The following ASPSCR1 variants were observed in gnomAD, a reference collection of about 807,000 sequenced individuals.
ASPSCR1 encodes the protein ASPSCR1 tether for SLC2A4, UBX domain containing.
In ASPSCR1, 55 loss-of-function variants were observed where a neutral mutation model predicts 68.9. The observed-to-expected ratio is 0.80, with a 90% CI of 0.64 to 1.00. The LOEUF (loss-of-function observed/expected upper bound fraction) is 1.00. ASPSCR1 is among the 50% of genes least tolerant of loss of function. ASPSCR1 has a pLI of 0.00. For missense variants in ASPSCR1, 765 were observed against 762.2 expected (o/e 1.00, Z -0.04); for synonymous variants, 352 against 332.6 (o/e 1.06, Z -0.63).
At chr17:81,998,522 C>T (rs1054535740) in intron 7 of ASPSCR1, among the ~76,000 whole-genome samples, 3 of 152,120 alleles carry the variant, frequency 2.0e-5, no homozygotes, top group African/African-American at 7.2e-5. Flanking sequence ...ATTTCTCTGC[C>T]AAGGATGATG....
At chr17:81,988,228 A>T (rs1405182457) in intron 4 of ASPSCR1, among the ~76,000 whole-genome samples, 5 of 149,818 alleles carry the variant, frequency 3.3e-5, no homozygotes, top group Admixed American at 1.3e-4. Context: ...TGGGAGGCCG[A>T]GGTGGGTGGA....
At chr17:82,010,653 T>C in intron 9 of ASPSCR1, 149 bp from the exon 10 acceptor site, 1 of 766,482 alleles carries the variant, frequency 1.3e-6, no homozygotes, top group Non-Finnish European at 2.1e-6. Flanking sequence ...CACGGGGGAG[T>C]CAAAGCCCAG....
In ASPSCR1 at chr17:81,987,081, C is replaced by G. The variant is rs1048039492; in HGVS notation, c.374+1474C>G. Among the ~76,000 whole-genome samples the G allele has an allele frequency of 6.6e-6, 1 of 150,674 alleles. No homozygotes were observed. Among genetic ancestry groups the G allele is most frequent in the Non-Finnish European group, 1.5e-5 (1 of 67,882 alleles). ...GACCCGAGGCAGGAGATGACGGAGC[C>G]TAAGAGCAAAGCGAAGCCACGGGCA... On this transcript the variant is annotated intron_variant, in intron 4 of 15. Transcript: ENST00000306739. The surrounding 1 kb of genome is among the most constrained non-coding windows in gnomAD (Gnocchi z 5.6).
chr17:81,998,390 T>C (rs2144051390), intron 7 of ASPSCR1, among the ~76,000 whole-genome samples: 1 of 152,318 alleles, frequency 6.6e-6, no homozygotes, highest in East Asian at 1.9e-4. Flanking sequence ...TGCAGACCTT[T>C]CCCTTTGTCC....
In ASPSCR1 at chr17:81,983,483, A is replaced by T; in HGVS notation, c.159-71A>T. 7.8e-7 allele frequency: 1 copy of T among 1,278,846 alleles called. No homozygotes were observed. The highest frequency in any genetic ancestry group is 1.3e-5 in the South Asian group (1 of 78,336). 79.2% of individuals were successfully genotyped at this position (1,278,846 alleles called of 1,614,324 possible). The stretch of plus-strand genomic sequence containing the variant: ...GCGGGGCGTGGATGGTGGGACGGGG[A>T]TGGCGGGGCGTGGATGGCAGGGCGT... On this transcript the variant is annotated intron_variant, in intron 2 of 15. Coordinates refer to ENST00000306739, the MANE Select transcript of ASPSCR1 (RefSeq NM_024083.4). This position sits in a 1 kb window ranked among gnomAD's most constrained non-coding sequence, Gnocchi z 4.4.
At chr17:82,009,631 T>G (rs372787842) in intron 9 of ASPSCR1, 64 bp downstream of exon 9, 3 of 334,090 alleles carry the variant, frequency 9.0e-6, no homozygotes, top group African/African-American at 1.4e-4. Context: ...GTGAGGTCTG[T>G]GGACGGGATG....
At position 82,012,091 on chromosome 17, in the gene ASPSCR1, G is replaced by A. The variant is rs1351411987; in HGVS notation, c.1301-140G>A. ...CAGCTGGAGTTTCTGCAGCAGGAGT[G>A]TGGGCACAGGGCGTGCTCGTGAGGG... On this transcript the variant is annotated intron_variant, in intron 11 of 15. Coordinates refer to ENST00000306739, the MANE Select transcript of ASPSCR1 (RefSeq NM_024083.4). 2.9e-5 allele frequency: 30 copies of A among 1,027,650 alleles called. No individual in the cohort carries two copies. The East Asian group carries it at 3.7e-4, about 13-fold the overall frequency. The allele number at this position is 1,027,650 out of a possible 1,614,324, so 63.7% of individuals were successfully genotyped here. A position where few individuals can be genotyped will look rare whatever the true frequency, so the allele number is the denominator to read the frequency against.
intron 4 of ASPSCR1, among the ~76,000 whole-genome samples, chr17:81,988,482 T>C (rs894804180): frequency 1.4e-5 from 2 of 140,162 alleles, no homozygotes; most frequent in Non-Finnish European, 3.1e-5. Flanking sequence ...CAAGAGCAAG[T>C]GGGGCAGCTC....
chr17:82,009,550 C>T lies in ASPSCR1; in HGVS notation c.1153C>T (p.Leu385=), dbSNP rs2042841204. The part of the protein sequence containing the change: ...AFREAQIKEK[L]ERYPKVALRV... ...CAGGGAGGCGCAGATAAAGGAGAAG[C>T]TGGAGCGCTACCCAAAGGTCTGCAG... The change falls in exon 9 of 16, where the codon CTG becomes TTG. Residue 385 remains leucine (L), a synonymous_variant. Coordinates refer to ENST00000306739, the MANE Select transcript of ASPSCR1 (RefSeq NM_024083.4). The T allele has an allele frequency of 1.5e-6, 2 of 1,356,944 alleles. No homozygotes were observed. Among genetic ancestry groups the T allele is most frequent in the African/African-American group, 2.5e-5 (1 of 39,952 alleles). The allele number at this position is 1,356,944 out of a possible 1,614,324, so 84.1% of individuals were successfully genotyped here. A position where few individuals can be genotyped will look rare whatever the true frequency, so the allele number is the denominator to read the frequency against.
At chr17:81,980,378 C>T (rs564305608) in intron 2 of ASPSCR1, among the ~76,000 whole-genome samples, 78 of 152,352 alleles carry the variant, frequency 5.1e-4, no homozygotes, top group African/African-American at 1.8e-3. Context: ...ACGAGGCTCT[C>T]CTGGGAGGAG....
At chr17:81,985,872 C>T (rs563418217) in intron 4 of ASPSCR1, among the ~76,000 whole-genome samples, 1 of 152,138 alleles carries the variant, frequency 6.6e-6, no homozygotes, top group African/African-American at 2.4e-5. Flanking sequence ...CAGGAATGTG[C>T]TTCTGTCCTT....
At chr17:82,008,843 G>A in intron 7 of ASPSCR1, 194 bp from the exon 8 acceptor site, 1 of 662,716 alleles carries the variant, frequency 1.5e-6, no homozygotes, top group Non-Finnish European at 2.3e-6. Context: ...GGCTCTGAGT[G>A]GGGTGGGGTC....
chr17:82,015,652 C>G lies in ASPSCR1; in HGVS notation c.1354-824C>G, dbSNP rs6502046. 8.7e-6 allele frequency: 4 copies of G among 457,406 alleles called. No individual in the cohort carries two copies. In the East Asian group the frequency reaches 1.5e-4, roughly 18 times the overall value. The allele number at this position is 457,406 out of a possible 1,614,324, so 28.3% of individuals were successfully genotyped here. On this transcript the variant is annotated intron_variant, in intron 12 of 15. Coordinates refer to ENST00000306739, the MANE Select transcript of ASPSCR1 (RefSeq NM_024083.4). ...GCCCACAGCAGCCTCTGGGCAGTGT[C>G]CCCTGGGCTTCTGTGAGCAGCCGCA...
intron 10 of ASPSCR1, among the ~76,000 whole-genome samples, chr17:82,011,165 G>A (rs1397574015): frequency 6.6e-6 from 1 of 152,138 alleles, no homozygotes; most frequent in Non-Finnish European, 1.5e-5. Context: ...CCAGAGGAAG[G>A]CACCCTACCC....
At chr17:81,982,952 T>C (rs1196590234) in intron 2 of ASPSCR1, among the ~76,000 whole-genome samples, 1 of 152,210 alleles carries the variant, frequency 6.6e-6, no homozygotes, top group Non-Finnish European at 1.5e-5. Context: ...TAGCTGGGAC[T>C]ACAGGCCTGA....
intron 7 of ASPSCR1, 21 bp from the exon 8 acceptor site, chr17:82,009,016 A>C: frequency 6.7e-7 from 1 of 1,484,742 alleles, no homozygotes; most frequent in Non-Finnish European, 9.0e-7. Context: ...ACCCGCCGTC[A>C]GCCGCGCCCT....
rs2042041831 is a variant in ASPSCR1 at position 81,987,747 on chromosome 17, G to A, written c.374+2140G>A. ...AGTGGCTTTGGAGCTGGCTTTGGTG[G>A]TGGCTGTGGGGGTGGGTTTGGGCGC... On this transcript the variant is annotated intron_variant, in intron 4 of 15. Transcript: ENST00000306739. This position sits in a 1 kb window ranked among gnomAD's most constrained non-coding sequence, Gnocchi z 5.6. Among the ~76,000 whole-genome samples, 1 of 152,084 alleles carries A rather than the reference G, an allele frequency of 6.6e-6. No homozygotes were observed. The highest frequency in any genetic ancestry group is 6.6e-5 in the Admixed American group (1 of 15,264).
chr17:82,011,554 C>CGA lies in ASPSCR1; in HGVS notation c.1252_1253dup (p.Asp418GlufsTer4). 6.3e-7 allele frequency: 1 copy of CGA among 1,579,746 alleles called. No homozygotes were observed. ...TTTCTCCTCTGCAGTGGGGGACTTG[C>CGA]GAGACTTCGTGAGGAGCCACCTGGG... On this transcript the variant is annotated frameshift_variant, in exon 11 of 16. Transcript: ENST00000306739. LOFTEE classifies it high-confidence loss of function.
In ASPSCR1 at chr17:81,977,912, T is replaced by C. The variant is rs1454984789; in HGVS notation, c.102+164T>C. The C allele has an allele frequency of 2.3e-6, 1 of 427,178 alleles. No individual in the cohort carries two copies. The highest frequency in any genetic ancestry group is 3.7e-6 in the Non-Finnish European group (1 of 273,334). 26.5% of individuals were successfully genotyped at this position (427,178 alleles called of 1,614,324 possible). On this transcript the variant is annotated intron_variant, in intron 1 of 15. Transcript: ENST00000306739. The surrounding 1 kb of genome is among the most constrained non-coding windows in gnomAD (Gnocchi z 5.0). ...CCCCCTGCTCGCCGTCACCTGCGCT[T>C]CCGCTGGGGTCCCGGGGGTCCCGGG...
Sources: gnomAD v4.1 joint callset for allele counts (sites outside exome capture counted in the v4.1 genomes callset) on GRCh38, gnomAD v4.1.1 for gene constraint, Gnocchi (gnomAD v3.1) non-coding constraint, MANE v1.5 for transcripts, NCBI Gene and HGNC (gene_info 2026-07-23, HGNC 2026-07-21) for gene names.